ADAMTS7: variants seen among roughly 807,000 people sequenced by gnomAD.
ADAMTS7 encodes A disintegrin and metalloproteinase with thrombospondin motifs 7.
In ADAMTS7, 89 loss-of-function variants were observed where a neutral mutation model predicts 172.6. The ratio of observed to expected loss-of-function variants is 0.52; its 90% CI spans 0.43 to 0.61. The LOEUF is 0.61. ADAMTS7 is among the 20% of genes least tolerant of loss of function. The pLI, the probability that ADAMTS7 is intolerant of heterozygous loss-of-function variation, is 0.00. For missense variants in ADAMTS7, 1,973 were observed against 2,355.6 expected, an observed-to-expected ratio of 0.84 and a Z score of 3.36; for synonymous variants, 885 against 978.4, an observed-to-expected ratio of 0.90 and a Z score of 1.78.
chr15:78,806,092 AC>A (rs2055785744), intron 1 of ADAMTS7, among the ~76,000 whole-genome samples: 2 of 11,126 alleles, frequency 1.8e-4, no homozygotes, highest in African/African-American at 3.4e-4. Context: ...CCCCCCAAAA[AC>A]ACACACACAC....
At chr15:78,810,896 A>C in intron 1 of ADAMTS7, 2 of 398,938 alleles carry the variant, frequency 5.0e-6, no homozygotes, top group Non-Finnish European at 8.5e-6. Context: ...CAGTGTCAGT[A>C]ACTGAATCAG....
chr15:78,780,736 C>T, intron 8 of ADAMTS7, among the ~76,000 whole-genome samples: 1 of 152,228 alleles, frequency 6.6e-6, no homozygotes, highest in Non-Finnish European at 1.5e-5. Context: ...TGGCCCCGGC[C>T]TCTGCCCAGC....
Position 78,771,228 on chromosome 15 carries a change from C to A in ADAMTS7, c.2452G>T (p.Val818Phe), listed in dbSNP as rs778344267. The A allele has an allele frequency of 5.6e-6, 9 of 1,612,044 alleles. No individual in the cohort carries two copies. The highest frequency in any genetic ancestry group is 4.4e-5 in the South Asian group (4 of 90,872). ...TGCCAGGAGAACACGGGCGGCGGGA[C>A]CTCGTCGTGGCCACCTGCCTCCCTG... ...IHREAGGHDE[V>F]PPPVFSWHYG... is the part of the protein sequence containing the mutation. The change falls in exon 16 of 24, where the codon GTC becomes TTC. Residue 818 changes from valine (V) to phenylalanine (F), a missense_variant. Physicochemically the swap from Val to Phe is conservative, Grantham distance 50 (BLOSUM62 -1). This residue lies in a region of ADAMTS7 where 771 missense variants were observed against 952.6 expected (regional missense o/e 0.81). Transcript: ENST00000388820. This position sits in a 1 kb window ranked among gnomAD's most constrained non-coding sequence, Gnocchi z 4.9.
In ADAMTS7 at chr15:78,771,474, C is replaced by T. The variant is rs1187778817; in HGVS notation, c.2376+111G>A. On this transcript the variant is annotated intron_variant, in intron 15 of 23. Transcript: ENST00000388820. The surrounding 1 kb of genome is among the most constrained non-coding windows in gnomAD (Gnocchi z 4.9). Reference sequence around the variant, plus strand: ...CAGGAGGGCCTGGCTCAGAGCCAGGCTCTGTGACTGAACCAGGGCTCACTC... The same window carrying T: ...CAGGAGGGCCTGGCTCAGAGCCAGGTTCTGTGACTGAACCAGGGCTCACTC... 5 of 1,538,548 alleles carry T rather than the reference C, an allele frequency of 3.2e-6. No individual in the cohort carries two copies. In the African/African-American group the frequency reaches 5.5e-5, roughly 17 times the overall value.
In ADAMTS7 at chr15:78,766,362, G is replaced by T. The variant is rs552472549; in HGVS notation, c.3549C>A (p.Gly1183=). The T allele has an allele frequency of 3.7e-6, 6 of 1,610,528 alleles. No individual in the cohort carries two copies. The highest frequency in any genetic ancestry group is 1.3e-5 in the African/African-American group (1 of 74,854). ...SLSWPRVSTD[G]LQTPATPESQ... ...TCTCAGGGGTGGCAGGTGTCTGCAGGCCATCAGTGGAAACCCTGGGCCAGG... is the reference window on the plus strand; with the variant it reads ...TCTCAGGGGTGGCAGGTGTCTGCAGTCCATCAGTGGAAACCCTGGGCCAGG... The change falls in exon 19 of 24, where the codon GGC becomes GGA. Residue 1183 remains glycine, a synonymous_variant. Coordinates refer to ENST00000388820, the MANE Select transcript of ADAMTS7 (RefSeq NM_014272.5).
intron 16 of ADAMTS7, among the ~76,000 whole-genome samples, chr15:78,769,749 G>A (rs778164422): frequency 1.3e-5 from 2 of 152,258 alleles, no homozygotes; most frequent in Non-Finnish European, 2.9e-5. Flanking sequence ...CAGGGCACTT[G>A]CCTCTGCAGA....
intron 1 of ADAMTS7, among the ~76,000 whole-genome samples, chr15:78,807,925 G>T (rs550699873): frequency 6.6e-6 from 1 of 151,446 alleles, no homozygotes; most frequent in East Asian, 1.9e-4. Flanking sequence ...TGCGATCGTG[G>T]TTTACTGCAG....
chr15:78,761,508 G>A (rs1337399087), intron 23 of ADAMTS7, among the ~76,000 whole-genome samples: 1 of 152,192 alleles, frequency 6.6e-6, no homozygotes, highest in African/African-American at 2.4e-5. Flanking sequence ...GCACCACCTG[G>A]ATCCCCACGC....
chr15:78,762,870 G>C lies in ADAMTS7; in HGVS notation c.4741-305C>G, dbSNP rs2055070874. On this transcript the variant is annotated intron_variant, in intron 22 of 23. Coordinates refer to ENST00000388820, the MANE Select transcript of ADAMTS7 (RefSeq NM_014272.5). Reference sequence around the variant, plus strand: ...AGGACATGCCTGAGAAGCCTGGGCAGGGGCGCCGGGATGGAGCCCTGATGC... The same window carrying C: ...AGGACATGCCTGAGAAGCCTGGGCACGGGCGCCGGGATGGAGCCCTGATGC... Among the ~76,000 whole-genome samples the C allele has an allele frequency of 2.6e-5, 4 of 152,250 alleles. No individual in the cohort carries two copies. In the South Asian group the frequency reaches 6.2e-4, roughly 24 times the overall value.
chr15:78,806,128 A>ACACACACACACACACAC (rs1491145070), intron 1 of ADAMTS7, among the ~76,000 whole-genome samples: 1 of 19,284 alleles, frequency 5.2e-5, no homozygotes, highest in African/African-American at 1.6e-4. Context: ...ACACACACAC[A>ACACACACACACACACAC]AAAAAAAAAA....
chr15:78,786,780 T>C (rs1470999830), intron 8 of ADAMTS7, among the ~76,000 whole-genome samples: 1 of 152,224 alleles, frequency 6.6e-6, no homozygotes, highest in African/African-American at 2.4e-5. Flanking sequence ...TTGTATAATT[T>C]CAGTGACTCT....
chr15:78,774,317 A>C lies in ADAMTS7; in HGVS notation c.1877-17T>G. The C allele has an allele frequency of 6.4e-7, 1 of 1,551,368 alleles. No individual in the cohort carries two copies. Among genetic ancestry groups the C allele is most frequent in the South Asian group, 1.2e-5 (1 of 84,446 alleles). On this transcript the variant is annotated splice_polypyrimidine_tract_variant and intron_variant, in intron 12 of 23. Transcript: ENST00000388820. ...AGGGGTTCACTGAGGGCCCAAGTAGAAGAGTCATCAGCAACAGCTGGGGCG... is the reference window on the plus strand; with the variant it reads ...AGGGGTTCACTGAGGGCCCAAGTAGCAGAGTCATCAGCAACAGCTGGGGCG...
At position 78,771,261 on chromosome 15, in the gene ADAMTS7, T is replaced by C; in HGVS notation, c.2419A>G (p.Thr807Ala). 1 of 1,612,098 alleles carries C rather than the reference T, an allele frequency of 6.2e-7. No individual in the cohort carries two copies. The highest frequency in any genetic ancestry group is 8.5e-7 in the Non-Finnish European group (1 of 1,179,606). Residue 807 changes from threonine (T) to alanine (A), a missense_variant, in exon 16 of 24, where the codon ACC (threonine) becomes GCC (alanine). By Grantham distance (58) the Thr-to-Ala change is moderately conservative (BLOSUM62 0). This residue lies in a region of ADAMTS7 where 771 missense variants were observed against 952.6 expected (regional missense o/e 0.81). Transcript: ENST00000388820. The surrounding 1 kb of genome is among the most constrained non-coding windows in gnomAD (Gnocchi z 4.9). Reference protein sequence around the residue: ...ESNPGVHYEYTIHREAGGHDE... With the variant: ...ESNPGVHYEYAIHREAGGHDE... ...TGGCCACCTGCCTCCCTGTGGATGG[T>C]GTACTCGTAGTGCACCCCAGGGTTG... is the stretch of plus-strand genomic sequence containing the variant.
rs12438758 is a variant in ADAMTS7, at chr15:78,759,885, T to G, written c.4904-307A>C. 1.2e-3 allele frequency among the ~76,000 whole-genome samples: 185 copies of G among 151,734 alleles called. 1 individual carries two copies. Among genetic ancestry groups the G allele is most frequent in the Non-Finnish European group, 1.9e-3 (130 of 67,816 alleles). ...TAAAGAGCCTGCCCAGGGCGACGCC[T>G]TGCCACCCCATCTCCATCCTTGCTC... On this transcript the variant is annotated intron_variant, in intron 23 of 23. Transcript: ENST00000388820.
At chr15:78,775,614 G>C (rs945977081) in intron 11 of ADAMTS7, among the ~76,000 whole-genome samples, 6 of 152,018 alleles carry the variant, frequency 3.9e-5, no homozygotes, top group African/African-American at 9.7e-5. Context: ...CTCACGTCAG[G>C]CCACCCCTTC....
intron 1 of ADAMTS7, among the ~76,000 whole-genome samples, chr15:78,805,716 GCTA>G (rs1236445436): frequency 6.6e-6 from 1 of 152,114 alleles, no homozygotes; most frequent in African/African-American, 2.4e-5. Context: ...GTGACCCTTG[GCTA>G]CTAACTGTGA....
At chr15:78,777,947 G>A (rs1319796704) in intron 8 of ADAMTS7, among the ~76,000 whole-genome samples, 2 of 152,138 alleles carry the variant, frequency 1.3e-5, no homozygotes, top group Non-Finnish European at 2.9e-5. Flanking sequence ...CCAGACCCTG[G>A]AGCCAGGCCC....
At position 78,765,693 on chromosome 15, in the gene ADAMTS7, G is replaced by T; in HGVS notation, c.4218C>A (p.Asp1406Glu). 6.2e-7 allele frequency: 1 copy of T among 1,610,590 alleles called. No individual in the cohort carries two copies. Among genetic ancestry groups the T allele is most frequent in the Non-Finnish European group, 8.5e-7 (1 of 1,179,732 alleles). ...AGCCGGCGTTCCTGACAACCAACGG[G>T]TCCGCGGGGGGCCCCGCTTCAGCCA... ...PSLAEAGPPA[D>E]PLVVRNAGWQ... The change falls in exon 19 of 24, where the codon GAC becomes GAA. Residue 1406 changes from aspartate (D) to glutamate (E), a missense_variant. Physicochemically the swap from Asp to Glu is conservative, Grantham distance 45. Coordinates refer to ENST00000388820, the MANE Select transcript of ADAMTS7 (RefSeq NM_014272.5).
Position 78,811,270 on chromosome 15 carries a change from G to T in ADAMTS7, c.-50C>A, listed in dbSNP as rs915390339. On this transcript the variant is annotated 5_prime_UTR_variant, in exon 1 of 24. Transcript: ENST00000388820. ...TGACCCCGCGCGCACGCTCTCGTCC[G>T]TCCCGTCCGGTCGCTGCCTGGTCCC... 16 of 1,221,046 alleles carry T rather than the reference G, an allele frequency of 1.3e-5. No individual in the cohort carries two copies. Among genetic ancestry groups the T allele is most frequent in the African/African-American group, 1.6e-5 (1 of 63,858 alleles). 75.6% of individuals were successfully genotyped at this position (1,221,046 alleles called of 1,614,324 possible).
Sources: gnomAD v4.1 joint callset for allele counts (sites outside exome capture counted in the v4.1 genomes callset) on GRCh38, gnomAD v4.1.1 for gene constraint, gnomAD v4.1.1 regional missense constraint, Gnocchi (gnomAD v3.1) non-coding constraint, MANE v1.5 for transcripts, NCBI Gene and HGNC (gene_info 2026-07-23, HGNC 2026-07-21) for gene names.